The following ADK variants were observed in gnomAD, a reference collection of about 807,000 sequenced individuals.
The protein encoded by ADK is N6,N6-dimethyladenosine kinase.
In ADK, 24 loss-of-function variants were observed where a neutral mutation model predicts 44.7. The observed-to-expected ratio is 0.54, with a 90% confidence interval of 0.39 to 0.76. The LOEUF is 0.76. ADK is among the 30% of genes least tolerant of loss of function. ADK has a pLI of 0.00. For missense variants in ADK, 321 were observed against 425.1 expected, an observed-to-expected ratio of 0.76 and a Z score of 2.15; for synonymous variants, 128 against 142.6, an observed-to-expected ratio of 0.90 and a Z score of 0.73.
intron 6 of ADK, among the ~76,000 whole-genome samples, chr10:74,499,556 C>T (rs1382430824): frequency 5.3e-5 from 8 of 152,078 alleles, no homozygotes; most frequent in Non-Finnish European, 1.0e-4. Flanking sequence ...GGCGTGGTGG[C>T]GGGCGCCTGT....
intron 1 of ADK, among the ~76,000 whole-genome samples, chr10:74,154,100 T>G (rs1043708911): frequency 6.6e-6 from 1 of 152,094 alleles, no homozygotes; most frequent in African/African-American, 2.4e-5. Flanking sequence ...GGTATCTGCC[T>G]TATAGGAAAG....
chr10:74,632,788 C>T (rs1853488355), intron 9 of ADK, among the ~76,000 whole-genome samples: 1 of 152,068 alleles, frequency 6.6e-6, no homozygotes, highest in African/African-American at 2.4e-5. Flanking sequence ...TATAGAGATA[C>T]AACATTTTAT....
At chr10:74,593,429 A>G (rs1394104098) in intron 8 of ADK, among the ~76,000 whole-genome samples, 3 of 150,814 alleles carry the variant, frequency 2.0e-5, no homozygotes, top group Admixed American at 6.6e-5. Context: ...CATTTTAGCT[A>G]TGATGGCTAT....
At chr10:74,230,374 T>A (rs1844713211) in intron 3 of ADK, among the ~76,000 whole-genome samples, 1 of 152,106 alleles carries the variant, frequency 6.6e-6, no homozygotes, top group Non-Finnish European at 1.5e-5. Context: ...TGCTATAGTT[T>A]ACATTGCTAC....
chr10:74,274,258 A>G (rs896368852), intron 3 of ADK, among the ~76,000 whole-genome samples: 1 of 152,168 alleles, frequency 6.6e-6, no homozygotes, highest in Non-Finnish European at 1.5e-5. Context: ...TAGAGAAAAC[A>G]AAGTGTTATT....
intron 9 of ADK, among the ~76,000 whole-genome samples, chr10:74,626,012 A>G (rs1853189051): frequency 6.6e-6 from 1 of 152,226 alleles, no homozygotes; most frequent in South Asian, 2.1e-4. Context: ...TACTAAATAA[A>G]TAAATCAACT....
chr10:74,287,420 C>T (rs1014487902), intron 3 of ADK, among the ~76,000 whole-genome samples: 13 of 150,938 alleles, frequency 8.6e-5, no homozygotes, highest in South Asian at 2.1e-4. Context: ...GCCAAGATTG[C>T]GCCACTGCAC....
intron 2 of ADK, among the ~76,000 whole-genome samples, chr10:74,206,378 G>GT (rs1413204768): frequency 1.3e-5 from 2 of 152,216 alleles, no homozygotes; most frequent in Non-Finnish European, 2.9e-5. Context: ...TTTTGGGGAG[G>GT]TGGCAAGCTT....
At chr10:74,617,404 T>C (rs554036657) in intron 9 of ADK, among the ~76,000 whole-genome samples, 1 of 152,336 alleles carries the variant, frequency 6.6e-6, no homozygotes, top group South Asian at 2.1e-4. Flanking sequence ...TTAAAAATCA[T>C]GAATAGTTGT....
chr10:74,623,322 T>G (rs1183013812), intron 9 of ADK, among the ~76,000 whole-genome samples: 1 of 152,162 alleles, frequency 6.6e-6, no homozygotes, highest in East Asian at 1.9e-4. Context: ...ACAGTATCCC[T>G]CAAAATTTAT....
At chr10:74,525,210 T>A in intron 6 of ADK, 46 bp from the exon 7 acceptor site, 1 of 1,555,068 alleles carries the variant, frequency 6.4e-7, no homozygotes, top group Non-Finnish European at 8.9e-7. Flanking sequence ...TGAGAGTGAC[T>A]GTGGAGATGG....
At chr10:74,562,028 G>A (rs1392826778) in intron 7 of ADK, among the ~76,000 whole-genome samples, 9 of 152,234 alleles carry the variant, frequency 5.9e-5, no homozygotes, top group East Asian at 1.9e-4. Flanking sequence ...CAACCTTCTC[G>A]CCTTCTCTAG....
chr10:74,468,911 G>A (rs768660548), intron 6 of ADK, among the ~76,000 whole-genome samples: 2 of 151,986 alleles, frequency 1.3e-5, no homozygotes. Flanking sequence ...ATAGTTTCTA[G>A]TTGCTTTGTT....
intron 6 of ADK, among the ~76,000 whole-genome samples, chr10:74,505,075 C>A (rs978581278): frequency 6.6e-5 from 10 of 151,976 alleles, no homozygotes; most frequent in Non-Finnish European, 1.5e-4. Flanking sequence ...CTTCCTGTCT[C>A]AGGGGTAGCA....
chr10:74,279,280 AAAAAAATAAAC>A (rs202210982), intron 3 of ADK, among the ~76,000 whole-genome samples: 4,038 of 149,248 alleles, frequency 0.027, 160 homozygotes, highest in African/African-American at 0.083. Context: ...ACTCCATCTT[AAAAAAATAAAC>A]AAAAAATAAA....
chr10:74,153,150 A>G (rs1564563354), intron 1 of ADK, among the ~76,000 whole-genome samples: 1 of 152,224 alleles, frequency 6.6e-6, no homozygotes, highest in East Asian at 1.9e-4. Context: ...AGTGGGAACA[A>G]ATAATGAGAT....
chr10:74,476,138 G>A (rs1846827648), intron 6 of ADK, among the ~76,000 whole-genome samples: 1 of 152,050 alleles, frequency 6.6e-6, no homozygotes, highest in Non-Finnish European at 1.5e-5. Flanking sequence ...TGAGAAAGCT[G>A]GCTCTGATTA....
chr10:74,226,297 G>C (rs1406952834), intron 3 of ADK, among the ~76,000 whole-genome samples: 1 of 152,014 alleles, frequency 6.6e-6, no homozygotes, highest in Non-Finnish European at 1.5e-5. Context: ...AGTAGAGATG[G>C]GGTTTCGCCA....
chr10:74,481,478 G>A (rs923987191), intron 6 of ADK, among the ~76,000 whole-genome samples: 4 of 151,668 alleles, frequency 2.6e-5, no homozygotes, highest in Non-Finnish European at 4.4e-5. Flanking sequence ...CCATTTCTTT[G>A]ATGGTTGCAT....
Sources: allele counts gnomAD v4.1 joint callset (sites outside exome capture counted in the v4.1 genomes callset), GRCh38; gene constraint gnomAD v4.1.1; transcripts MANE v1.5; gene names NCBI Gene and HGNC (gene_info 2026-07-23, HGNC 2026-07-21).